PCDHA5: variants seen among roughly 807,000 people sequenced by gnomAD.
PCDHA5 encodes protocadherin alpha-5.
A neutral mutation model predicts 61.6 loss-of-function variants in PCDHA5; 43 were observed. That is an observed-to-expected ratio of 0.70 (90% confidence interval 0.55 to 0.90). The LOEUF is 0.90. PCDHA5 is among the 40% of genes least tolerant of loss of function. PCDHA5 has a pLI of 0.00. For synonymous variants in PCDHA5, 627 were observed against 543.9 expected, an observed-to-expected ratio of 1.15 and a Z score of -2.13; for missense variants, 1,298 against 1,222.7, an observed-to-expected ratio of 1.06 and a Z score of -0.92.
intron 1 of PCDHA5, chr5:140,866,669 T>C (rs571274167): frequency 6.6e-6 from 1 of 152,260 alleles, no homozygotes; most frequent in South Asian, 2.1e-4. Context: ...CAAGAAATAA[T>C]AGCACTAGGT....
chr5:140,826,442 G>A (rs1447945219), intron 1 of PCDHA5, among the ~76,000 whole-genome samples: 4 of 152,148 alleles, frequency 2.6e-5, no homozygotes, highest in Non-Finnish European at 5.9e-5. Context: ...TGGAAGAAAA[G>A]GCTTTGTGTC....
At chr5:140,875,450 C>T (rs199938092) in intron 1 of PCDHA5, 2 of 1,590,620 alleles carry the variant, frequency 1.3e-6, no homozygotes, top group African/African-American at 1.3e-5. Flanking sequence ...ATTGTCCCAA[C>T]TCAGAGGCCC....
At chr5:140,904,280 G>A in intron 1 of PCDHA5, among the ~76,000 whole-genome samples, 1 of 151,848 alleles carries the variant, frequency 6.6e-6, no homozygotes, top group Non-Finnish European at 1.5e-5. Flanking sequence ...GAGAACATGT[G>A]GTGTTTGGTT....
chr5:140,860,179 T>C (rs1448179121), intron 1 of PCDHA5: 2 of 148,944 alleles, frequency 1.3e-5, no homozygotes, highest in African/African-American at 4.9e-5. Flanking sequence ...ATATATATGA[T>C]GGGCTCTCCT....
intron 1 of PCDHA5, chr5:140,861,648 T>C (rs1380826146): frequency 1.0e-5 from 3 of 287,022 alleles, no homozygotes; most frequent in African/African-American, 6.6e-5. Context: ...AAAGAATCTG[T>C]TTCTGAAACG....
At chr5:140,828,859 C>A in intron 1 of PCDHA5, 3 of 1,614,200 alleles carry the variant, frequency 1.9e-6, no homozygotes, top group East Asian at 4.5e-5. Context: ...AAAATGCAGA[C>A]AACGGAACAA....
rs2150477798 is a variant in PCDHA5 at position 140,850,289 on chromosome 5, C to T, written c.2352+26162C>T. On this transcript the variant is annotated intron_variant, in intron 1 of 3. Coordinates refer to ENST00000529859, the MANE Select transcript of PCDHA5 (RefSeq NM_018908.3). ...TGGTGGGGAAGGTGCGCGCAGTGGA[C>T]GCCGACTCGGGCTACAACGCGTGGC... 1.9e-6 allele frequency: 3 copies of T among 1,595,826 alleles called. No homozygotes were observed. In the East Asian group the frequency reaches 6.7e-5, roughly 36 times the overall value.
intron 1 of PCDHA5, among the ~76,000 whole-genome samples, chr5:140,910,919 T>G (rs2075230231): frequency 6.6e-6 from 1 of 152,154 alleles, no homozygotes; most frequent in Admixed American, 6.5e-5. Flanking sequence ...TTTTTGCTTA[T>G]ATAAATAAGA....
In PCDHA5 at chr5:140,838,192, C is replaced by CA. The variant is rs1413754072; in HGVS notation, c.2352+14069dup. ...GCAGTGGTGCAATCTCAGCTCACTG[C>CA]AAAATCCGCCTCTCTGGTACAAGCA... On this transcript the variant is annotated intron_variant, in intron 1 of 3. Transcript: ENST00000529859. Among the ~76,000 whole-genome samples the CA allele has an allele frequency of 5.3e-5, 8 of 149,554 alleles. 1 individual carries two copies. The highest frequency in any genetic ancestry group is 9.9e-5 in the African/African-American group (4 of 40,474).
At position 140,851,036 on chromosome 5, in the gene PCDHA5, T is replaced by A; in HGVS notation, c.2352+26909T>A. On this transcript the variant is annotated intron_variant, in intron 1 of 3. Coordinates refer to ENST00000529859, the MANE Select transcript of PCDHA5 (RefSeq NM_018908.3). ...TTCTGATAAAGTAAACCCCTTAACA[T>A]TGGAGCCGACTTTGTCTTGACTTCT... 2 of 1,401,900 alleles carry A rather than the reference T, an allele frequency of 1.4e-6. 1 individual carries two copies. The highest frequency in any genetic ancestry group is 1.9e-6 in the Non-Finnish European group (2 of 1,068,406). The allele number at this position is 1,401,900 out of a possible 1,614,324, so 86.8% of individuals were successfully genotyped here.
chr5:140,947,549 C>T (rs530708816), intron 1 of PCDHA5, among the ~76,000 whole-genome samples: 11 of 151,312 alleles, frequency 7.3e-5, no homozygotes, highest in Admixed American at 2.0e-4. Context: ...CAAAGAATTC[C>T]GCTGGGATTT....
intron 1 of PCDHA5, chr5:140,834,395 G>T (rs2150216541): frequency 6.3e-7 from 1 of 1,598,712 alleles, no homozygotes; most frequent in Non-Finnish European, 8.5e-7. Context: ...TGGTGTGCCC[G>T]AATGGATACG....
chr5:140,969,046 C>A, intron 1 of PCDHA5: 5 of 1,614,074 alleles, frequency 3.1e-6, no homozygotes, highest in Non-Finnish European at 4.2e-6. Flanking sequence ...ACAAACAAGC[C>A]AACAACAATA....
intron 1 of PCDHA5, among the ~76,000 whole-genome samples, chr5:140,831,828 T>G (rs149132761): frequency 6.6e-6 from 1 of 152,292 alleles, no homozygotes; most frequent in Non-Finnish European, 1.5e-5. Flanking sequence ...TAAACACTAG[T>G]TTCAATGATA....
At chr5:140,926,650 T>G (rs1014447499) in intron 1 of PCDHA5, 13 of 487,778 alleles carry the variant, frequency 2.7e-5, no homozygotes, top group Middle Eastern at 5.5e-4. Flanking sequence ...CCCGGCCGGC[T>G]CCGCTTTCCC....
rs782637341 is a variant in PCDHA5, at chr5:141,010,225, C to A, written c.*288C>A. Reference sequence around the variant, plus strand: ...CCGCCGCAAAGGAGAGGCTTCCCAGCCCCGCCAGTGAGAGGTTGGACTCTC... The same window carrying A: ...CCGCCGCAAAGGAGAGGCTTCCCAGACCCGCCAGTGAGAGGTTGGACTCTC... On this transcript the variant is annotated 3_prime_UTR_variant, in exon 4 of 4. Transcript: ENST00000529859. 11 of 1,551,730 alleles carry A rather than the reference C, an allele frequency of 7.1e-6. No homozygotes were observed. The highest frequency in any genetic ancestry group is 8.7e-6 in the Non-Finnish European group (10 of 1,147,034).
chr5:140,841,198 C>T (rs1554138026), intron 1 of PCDHA5: 1 of 1,281,234 alleles, frequency 7.8e-7, no homozygotes, highest in African/African-American at 1.5e-5. Flanking sequence ...TTTTCTCTGA[C>T]AGCATCTGTC....
At chr5:140,966,396 C>T (rs770476013) in intron 1 of PCDHA5, 11 of 405,036 alleles carry the variant, frequency 2.7e-5, no homozygotes, top group Admixed American at 4.4e-5. Flanking sequence ...TCCGCCACTT[C>T]GGCGCGGAAT....
At chr5:140,993,521 G>A (rs1554253818) in intron 3 of PCDHA5, among the ~76,000 whole-genome samples, 1 of 151,130 alleles carries the variant, frequency 6.6e-6, no homozygotes, top group African/African-American at 2.4e-5. Context: ...GGGAGAGAGA[G>A]ACAGAGAGAG....
Sources: gnomAD v4.1 joint callset for allele counts (sites outside exome capture counted in the v4.1 genomes callset) on GRCh38, gnomAD v4.1.1 for gene constraint, MANE v1.5 for transcripts, NCBI Gene and HGNC (gene_info 2026-07-23, HGNC 2026-07-21) for gene names.